Variants in R3HDM2 observed in about 807,000 individuals in gnomAD.
R3HDM2 encodes R3H domain-containing protein 2.
Under a neutral mutation model 124.5 loss-of-function variants are expected in R3HDM2, and 38 were observed. The observed-to-expected ratio is 0.31, with a 90% CI of 0.24 to 0.40. The LOEUF (loss-of-function observed/expected upper bound fraction) is 0.40, where lower values mean the gene tolerates loss of function less well. Among genes scored for constraint, R3HDM2 ranks in the 10% least tolerant of loss-of-function variants. R3HDM2 has a pLI of 1.00. For missense variants in R3HDM2, 869 were observed against 1,236.9 expected (o/e 0.70, Z 4.46); for synonymous variants, 391 against 448.0 (o/e 0.87, Z 1.61).
intron 1 of R3HDM2, among the ~76,000 whole-genome samples, chr12:57,426,859 AG>A (rs2070787499): frequency 6.6e-6 from 1 of 152,206 alleles, no homozygotes; most frequent in Non-Finnish European, 1.5e-5. Context: ...CACCCTTCCA[AG>A]GACAACTAAT....
chr12:57,268,967 C>G lies in R3HDM2; in HGVS notation c.1830G>C (p.Gln610His). Residue 610 changes from glutamine to histidine, a missense_variant, in exon 17 of 24, where the codon CAG becomes CAC. Around this residue, in one of 2 missense-constraint regions of R3HDM2, gnomAD observed 602 missense variants for 789.2 expected, o/e 0.76. Transcript: ENST00000402412. ...LSSQRSSMGGQMQGLVVQYTP... is the reference protein window; with the variant it reads ...LSSQRSSMGGHMQGLVVQYTP... ...TGTACTGAACCACCAGGCCTTGCAT[C>G]TGGCCCCCCATGCTGCTCCTCTGGC... 1 of 1,614,214 alleles carries G rather than the reference C, an allele frequency of 6.2e-7. No homozygotes were observed. The highest frequency in any genetic ancestry group is 8.5e-7 in the Non-Finnish European group (1 of 1,180,044).
chr12:57,299,275 C>T, intron 6 of R3HDM2, 77 bp downstream of exon 6: 1 of 1,429,924 alleles, frequency 7.0e-7, no homozygotes, highest in Non-Finnish European at 9.5e-7. Flanking sequence ...GCCAGTAAGG[C>T]TGGCAGGTGC....
chr12:57,335,210 T>A (rs929859231), intron 2 of R3HDM2, among the ~76,000 whole-genome samples: 1 of 151,688 alleles, frequency 6.6e-6, no homozygotes, highest in Non-Finnish European at 1.5e-5. Flanking sequence ...CAATCTCCCA[T>A]ACTTTTTATT....
chr12:57,407,174 G>A (rs538745147), intron 1 of R3HDM2, among the ~76,000 whole-genome samples: 14 of 151,316 alleles, frequency 9.3e-5, no homozygotes, highest in South Asian at 2.1e-4. Flanking sequence ...CTCTTGAACC[G>A]GGGAGGTGGA....
At chr12:57,337,132 C>T (rs1310426427) in intron 2 of R3HDM2, among the ~76,000 whole-genome samples, 1 of 151,686 alleles carries the variant, frequency 6.6e-6, no homozygotes, top group Non-Finnish European at 1.5e-5. Context: ...AATTCTCTTT[C>T]TCTCTTTTTG....
intron 2 of R3HDM2, among the ~76,000 whole-genome samples, chr12:57,379,760 A>G (rs143017534): frequency 2.4e-4 from 36 of 152,256 alleles, no homozygotes; most frequent in Non-Finnish European, 2.9e-4. Flanking sequence ...TTCCAACATC[A>G]AAATATAAGC....
At chr12:57,367,992 T>C (rs2062862362) in intron 2 of R3HDM2, among the ~76,000 whole-genome samples, 1 of 152,064 alleles carries the variant, frequency 6.6e-6, no homozygotes, top group South Asian at 2.1e-4. Context: ...TCTCTGGGTC[T>C]GATTCAGTTG....
At chr12:57,312,766 T>C (rs912813521) in intron 2 of R3HDM2, among the ~76,000 whole-genome samples, 1 of 151,868 alleles carries the variant, frequency 6.6e-6, no homozygotes, top group African/African-American at 2.4e-5. Context: ...CCTTAAATTC[T>C]TTCCTTTATC....
intron 23 of R3HDM2, 128 bp from the exon 24 acceptor site, chr12:57,255,241 CTCTTAGCCCTT>C: frequency 1.4e-6 from 1 of 736,546 alleles, no homozygotes; most frequent in Non-Finnish European, 2.1e-6. Context: ...TGGCCTTTCT[CTCTTAGCCCTT>C]TCTTCCCCTC....
Position 57,380,633 on chromosome 12 carries a change from T to C in R3HDM2, c.-36+15116A>G, listed in dbSNP as rs547277674. On this transcript the variant is annotated intron_variant, in intron 2 of 23. Coordinates refer to ENST00000402412, the MANE Select transcript of R3HDM2 (RefSeq NM_001394031.1). ...ACAAAAGACATCATCTTAAAACTCT[T>C]GGTGACCTCAAAATGCTATGAACAA... Among the ~76,000 whole-genome samples the C allele has an allele frequency of 7.2e-5, 11 of 152,326 alleles. No individual in the cohort carries two copies. The South Asian group carries it at 2.3e-3, about 32-fold the overall frequency.
intron 2 of R3HDM2, among the ~76,000 whole-genome samples, chr12:57,385,097 T>C (rs1318387829): frequency 6.6e-6 from 1 of 151,620 alleles, no homozygotes; most frequent in Non-Finnish European, 1.5e-5. Context: ...AGTGAGCAGA[T>C]ATCACAAGAT....
chr12:57,343,799 T>C (rs1300033161), intron 2 of R3HDM2, among the ~76,000 whole-genome samples: 1 of 150,542 alleles, frequency 6.6e-6, no homozygotes, highest in African/African-American at 2.4e-5. Flanking sequence ...GGTTCTGGCT[T>C]TTACTCTGAG....
At chr12:57,408,357 G>A (rs569886032) in intron 1 of R3HDM2, among the ~76,000 whole-genome samples, 5 of 152,230 alleles carry the variant, frequency 3.3e-5, no homozygotes, top group South Asian at 4.1e-4. Context: ...ATGAGCCACC[G>A]CACCTGCAAT....
intron 1 of R3HDM2, chr12:57,418,267 T>G (rs2069842682): frequency 2.0e-6 from 2 of 985,322 alleles, no homozygotes; most frequent in Non-Finnish European, 2.4e-6. Context: ...CACATTCATC[T>G]GCTCTTTTCA....
intron 1 of R3HDM2, chr12:57,415,388 A>G (rs1359286472): frequency 1.3e-5 from 2 of 152,208 alleles, no homozygotes; most frequent in African/African-American, 2.4e-5. Context: ...AAATTAATGA[A>G]GCATTCTATT....
chr12:57,265,016 C>A (rs909915467), intron 19 of R3HDM2, among the ~76,000 whole-genome samples: 1 of 152,010 alleles, frequency 6.6e-6, no homozygotes, highest in African/African-American at 2.4e-5. Context: ...GCTGTACTTG[C>A]GTGTTAGGGG....
intron 1 of R3HDM2, among the ~76,000 whole-genome samples, chr12:57,399,742 G>T (rs961597862): frequency 9.9e-5 from 15 of 152,136 alleles, no homozygotes; most frequent in African/African-American, 3.4e-4. Flanking sequence ...ACAGCCACAT[G>T]CCACTTCTAA....
At chr12:57,430,481 A>AC (rs1348357955) in intron 1 of R3HDM2, 265 of 678,768 alleles carry the variant, frequency 3.9e-4, no homozygotes, top group Non-Finnish European at 4.5e-4. Flanking sequence ...AGGTGGCGCC[A>AC]CCCCCCTGCC....
chr12:57,298,225 TA>T, intron 6 of R3HDM2, 57 bp from the exon 7 acceptor site: 1 of 1,322,888 alleles, frequency 7.6e-7, no homozygotes, highest in Non-Finnish European at 1.1e-6. Context: ...GCATGCTATC[TA>T]ATCCTAAGCA....
Sources: gnomAD v4.1 joint callset for allele counts (sites outside exome capture counted in the v4.1 genomes callset) on GRCh38, gnomAD v4.1.1 for gene constraint, gnomAD v4.1.1 regional missense constraint, MANE v1.5 for transcripts, NCBI Gene and HGNC (gene_info 2026-07-23, HGNC 2026-07-21) for gene names.